The following FRMPD4 variants were observed in gnomAD, a reference collection of about 807,000 sequenced individuals.
The protein encoded by FRMPD4 is FERM and PDZ domain containing 4.
A neutral mutation model predicts 94.1 loss-of-function variants in FRMPD4; 22 were observed. The observed-to-expected ratio is 0.23, with a 90% CI of 0.17 to 0.33. The LOEUF (loss-of-function observed/expected upper bound fraction) is 0.33. Among genes scored for constraint, FRMPD4 ranks in the 10% least tolerant of loss-of-function variants. The pLI, the probability that FRMPD4 is intolerant of heterozygous loss-of-function variation, is 1.00. For synonymous variants in FRMPD4, 631 were observed against 548.6 expected, an observed-to-expected ratio of 1.15 and a Z score of -2.10; for missense variants, 1,111 against 1,339.9, an observed-to-expected ratio of 0.83 and a Z score of 2.67.
At position 12,706,923 on chromosome X, in the gene FRMPD4, C is replaced by CTTTTTTTTTTTTT. The variant is rs746601138; in HGVS notation, c.1287+14_1287+26dup. ...TTCAAGGCAACATTAGTGGTAATTT[C>CTTTTTTTTTTTTT]TTTTTTTTTTTTTTTTTTGCTTTCT... On this transcript the variant is annotated intron_variant, in intron 12 of 16. Coordinates refer to ENST00000675598, the MANE Select transcript of FRMPD4 (RefSeq NM_001368397.1). 5 of 609,243 alleles carry CTTTTTTTTTTTTT rather than the reference C, an allele frequency of 8.2e-6. No homozygotes were observed. The African/African-American group carries it at 8.5e-5, about 10-fold the overall frequency. The allele number at this position is 609,243 out of a possible 1,213,427, so 50.2% of individuals were successfully genotyped here. A position where few individuals can be genotyped will look rare whatever the true frequency, so the allele number is the denominator to read the frequency against.
At chrX:12,182,302 T>C (rs1286118225) in intron 1 of FRMPD4, among the ~76,000 whole-genome samples, 1 of 111,570 alleles carries the variant, frequency 9.0e-6, no homozygotes. Context: ...CCTTTCCCCC[T>C]GAAGAGTTTG....
intron 1 of FRMPD4, among the ~76,000 whole-genome samples, chrX:12,192,338 C>A (rs2056502129): frequency 8.9e-6 from 1 of 112,170 alleles, no homozygotes; most frequent in African/African-American, 3.2e-5. Context: ...TTAATTAACT[C>A]ACCTATGCTA....
At chrX:12,417,714 A>G (rs1171386318) in intron 1 of FRMPD4, among the ~76,000 whole-genome samples, 2 of 109,551 alleles carry the variant, frequency 1.8e-5, no homozygotes, top group African/African-American at 6.6e-5. Flanking sequence ...TTATTCATTT[A>G]AAAACATTGT....
chrX:11,986,418 GC>G (rs1226508982), intron 3 of FRMPD4, among the ~76,000 whole-genome samples: 4 of 111,784 alleles, frequency 3.6e-5, no homozygotes, highest in Admixed American at 9.5e-5. Context: ...GTGGGATACA[GC>G]AAAAGCAGTA....
intron 1 of FRMPD4, among the ~76,000 whole-genome samples, chrX:12,212,085 A>G (rs1419059730): frequency 9.0e-6 from 1 of 111,478 alleles, no homozygotes; most frequent in East Asian, 2.8e-4. Flanking sequence ...CCCTTCCTCT[A>G]TAATAGGCAC....
At chrX:11,906,159 T>TTTATTTA (rs2053966831) in intron 3 of FRMPD4, among the ~76,000 whole-genome samples, 2 of 33,148 alleles carry the variant, frequency 6.0e-5, no homozygotes, top group Admixed American at 4.1e-4. Flanking sequence ...TTATTTATTT[T>TTTATTTA]TCTTTTGAGA....
At chrX:12,476,750 C>G (rs1717689024) in intron 1 of FRMPD4, among the ~76,000 whole-genome samples, 1 of 111,645 alleles carries the variant, frequency 9.0e-6, no homozygotes, top group Non-Finnish European at 1.9e-5. Flanking sequence ...AAATGCAAAT[C>G]AAAACCACAA....
chrX:12,329,514 G>C (rs1236621244), intron 1 of FRMPD4, among the ~76,000 whole-genome samples: 1 of 110,686 alleles, frequency 9.0e-6, no homozygotes, highest in Non-Finnish European at 1.9e-5. Context: ...TTGGGGTATT[G>C]CTTTCTGAAC....
intron 1 of FRMPD4, among the ~76,000 whole-genome samples, chrX:12,270,709 T>A (rs1222094528): frequency 2.7e-5 from 3 of 111,776 alleles, no homozygotes; most frequent in Non-Finnish European, 3.8e-5. Flanking sequence ...GTCAACACAT[T>A]TCTATCGTAT....
chrX:11,910,927 C>A (rs1387276593), intron 3 of FRMPD4, among the ~76,000 whole-genome samples: 4 of 106,421 alleles, frequency 3.8e-5, no homozygotes, highest in Non-Finnish European at 7.6e-5. Flanking sequence ...AGAAATGTAA[C>A]CCCTGCCCAC....
intron 3 of FRMPD4, among the ~76,000 whole-genome samples, chrX:12,113,148 G>C (rs1266107900): frequency 9.0e-6 from 1 of 111,627 alleles, no homozygotes; most frequent in Non-Finnish European, 1.9e-5. Context: ...GTGTGGGGAG[G>C]ACCTCCCTGA....
intron 2 of FRMPD4, among the ~76,000 whole-genome samples, chrX:11,875,802 G>GC (rs1002099027): frequency 1.9e-5 from 2 of 106,194 alleles, no homozygotes; most frequent in Non-Finnish European, 3.9e-5. Context: ...TCCAAAATAA[G>GC]CCCCCCAGAG....
chrX:12,625,883 C>G (rs2059340737), intron 4 of FRMPD4, among the ~76,000 whole-genome samples: 1 of 111,613 alleles, frequency 9.0e-6, no homozygotes, highest in Non-Finnish European at 1.9e-5. Flanking sequence ...ACGAATATAT[C>G]AAAATATTAC....
chrX:12,186,253 T>C (rs1194344199), intron 1 of FRMPD4, among the ~76,000 whole-genome samples: 4 of 110,941 alleles, frequency 3.6e-5, no homozygotes, highest in Non-Finnish European at 7.5e-5. Context: ...AGCATACTTA[T>C]CAAACAAAGA....
At chrX:11,834,222 C>G (rs1272060442) in intron 1 of FRMPD4, among the ~76,000 whole-genome samples, 2 of 111,915 alleles carry the variant, frequency 1.8e-5, no homozygotes, top group Non-Finnish European at 3.8e-5. Flanking sequence ...CCTGACCCAT[C>G]TCAACAAGCA....
At chrX:12,197,569 A>G (rs970245924) in intron 1 of FRMPD4, among the ~76,000 whole-genome samples, 6 of 111,673 alleles carry the variant, frequency 5.4e-5, no homozygotes, top group African/African-American at 1.9e-4. Context: ...TGGCACTTCT[A>G]GTTTCTCTCA....
At chrX:12,345,216 G>A (rs983570833) in intron 1 of FRMPD4, among the ~76,000 whole-genome samples, 2 of 110,113 alleles carry the variant, frequency 1.8e-5, no homozygotes, top group East Asian at 2.9e-4. Context: ...GTGGGTGGAT[G>A]GATGGATGGA....
intron 1 of FRMPD4, among the ~76,000 whole-genome samples, chrX:12,305,586 C>T (rs2054923095): frequency 9.6e-6 from 1 of 104,412 alleles, no homozygotes; most frequent in Non-Finnish European, 1.9e-5. Flanking sequence ...CAGACAGAGT[C>T]TCACTTTGTC....
chrX:12,681,969 C>A (rs2059977276), intron 5 of FRMPD4, among the ~76,000 whole-genome samples: 1 of 111,454 alleles, frequency 9.0e-6, no homozygotes, highest in Non-Finnish European at 1.9e-5. Flanking sequence ...TTCTCCTCCA[C>A]CCCCAGCCCG....
Sources: allele counts gnomAD v4.1 joint callset (sites outside exome capture counted in the v4.1 genomes callset), GRCh38; gene constraint gnomAD v4.1.1; transcripts MANE v1.5; gene names NCBI Gene and HGNC (gene_info 2026-07-23, HGNC 2026-07-21).